The following EYS variants were observed in gnomAD, a reference collection of about 807,000 sequenced individuals.
EYS encodes protein eyes shut homolog.
In EYS, 250 loss-of-function variants were observed where a neutral mutation model predicts 282.1. That is an observed-to-expected ratio of 0.89 (90% CI 0.80 to 0.98). EYS has a LOEUF of 0.98. Ranked by LOEUF, EYS falls within the 50% of genes least tolerant of loss-of-function variation. EYS has a pLI of 0.00. For synonymous variants in EYS, 1,355 were observed against 1,282.9 expected (o/e 1.06, Z -1.20); for missense variants, 4,016 against 3,709.0 (o/e 1.08, Z -2.15).
At chr6:64,116,040 A>T (rs1773371150) in intron 31 of EYS, among the ~76,000 whole-genome samples, 1 of 152,122 alleles carries the variant, frequency 6.6e-6, no homozygotes, top group African/African-American at 2.4e-5. Flanking sequence ...CATGAAAAAA[A>T]TGAGAAGTTC....
intron 13 of EYS, among the ~76,000 whole-genome samples, chr6:65,002,177 C>T (rs947911364): frequency 1.4e-4 from 20 of 147,154 alleles, no homozygotes; most frequent in African/African-American, 3.4e-4. Context: ...CTCAGCCATG[C>T]GATATTTTAA....
intron 5 of EYS, among the ~76,000 whole-genome samples, chr6:65,481,078 A>G (rs1418577986): frequency 8.5e-5 from 13 of 152,194 alleles, no homozygotes; most frequent in African/African-American, 3.1e-4. Flanking sequence ...ACCGTAATTT[A>G]TTATATATTT....
intron 22 of EYS, among the ~76,000 whole-genome samples, chr6:64,644,047 T>G (rs1313569499): frequency 6.6e-6 from 1 of 152,232 alleles, no homozygotes; most frequent in African/African-American, 2.4e-5. Flanking sequence ...TTTACTCAAG[T>G]GGTATCAATT....
In EYS at chr6:63,864,305, C is replaced by T; in HGVS notation, c.7109G>A (p.Cys2370Tyr). The change falls in exon 36 of 43, where the codon TGC becomes TAC. Residue 2370 changes from cysteine (C) to tyrosine (Y), a missense_variant. By Grantham distance (194) the Cys-to-Tyr change is radical. Coordinates refer to ENST00000503581, the MANE Select transcript of EYS (RefSeq NM_001142800.2). ...GTTGTTTTCACAACTTGCAAACTGG[C>T]ACAGCTTGCCTGAATACAGCCTTGG... ...ECPRLYSGKL[C>Y]QFASCENNPC... The T allele has an allele frequency of 6.4e-7, 1 of 1,551,564 alleles. No individual in the cohort carries two copies. The highest frequency in any genetic ancestry group is 8.7e-7 in the Non-Finnish European group (1 of 1,146,874).
intron 37 of EYS, chr6:63,797,199 A>G (rs757030773): frequency 6.6e-6 from 1 of 152,206 alleles, no homozygotes; most frequent in Non-Finnish European, 1.5e-5. Flanking sequence ...TCAACTGGCT[A>G]TGAGAGGGTA....
intron 26 of EYS, among the ~76,000 whole-genome samples, chr6:64,499,846 T>G (rs1476805407): frequency 6.6e-6 from 1 of 152,146 alleles, no homozygotes; most frequent in Non-Finnish European, 1.5e-5. Context: ...CTATTTCTTA[T>G]AGTTTGATCA....
rs199984162 is a variant in EYS at position 64,676,316 on chromosome 6, C to CTATATATA, written c.3444-50079_3444-50072dup. Among the ~76,000 whole-genome samples, 287 of 119,028 alleles carry CTATATATA rather than the reference C, an allele frequency of 2.4e-3. 3 individuals carry two copies. Among genetic ancestry groups the CTATATATA allele is most frequent in the East Asian group, 0.018 (70 of 3,820 alleles). 78.1% of individuals were successfully genotyped at this position (119,028 alleles called of 152,430 possible). On this transcript the variant is annotated intron_variant, in intron 22 of 42. Coordinates refer to ENST00000503581, the MANE Select transcript of EYS (RefSeq NM_001142800.2). ...ATATCTATATCTATATCCAATATAT[C>CTATATATA]TATATATATATATCTATATATCTAT...
chr6:63,946,967 A>G (rs1176137320), intron 35 of EYS, among the ~76,000 whole-genome samples: 1 of 151,972 alleles, frequency 6.6e-6, no homozygotes, highest in African/African-American at 2.4e-5. Context: ...ACACCTATGT[A>G]CCCATAAAAA....
chr6:65,573,413 A>C (rs1764548678), intron 2 of EYS, among the ~76,000 whole-genome samples: 1 of 152,164 alleles, frequency 6.6e-6, no homozygotes, highest in African/African-American at 2.4e-5. Context: ...TTTGCCACTG[A>C]AGGAATCAAT....
chr6:65,035,097 A>G (rs993694423), intron 13 of EYS, among the ~76,000 whole-genome samples: 1 of 152,106 alleles, frequency 6.6e-6, no homozygotes, highest in Non-Finnish European at 1.5e-5. Context: ...CATAAACAAC[A>G]CTATAAACAA....
chr6:64,589,622 A>G (rs1438707314), intron 26 of EYS, among the ~76,000 whole-genome samples: 1 of 152,102 alleles, frequency 6.6e-6, no homozygotes, highest in Non-Finnish European at 1.5e-5. Flanking sequence ...TCATTAATAT[A>G]TCAAGGCTCT....
intron 12 of EYS, among the ~76,000 whole-genome samples, chr6:65,193,682 C>G (rs748441199): frequency 3.3e-5 from 5 of 151,238 alleles, no homozygotes; most frequent in Non-Finnish European, 7.4e-5. Flanking sequence ...TCGTAAGGAA[C>G]AAAAATCTCT....
intron 15 of EYS, among the ~76,000 whole-genome samples, chr6:64,940,301 T>G (rs536333127): frequency 1.3e-5 from 2 of 152,028 alleles, no homozygotes; most frequent in African/African-American, 2.4e-5. Flanking sequence ...GTGGTGTTTG[T>G]CTGGTGACTG....
intron 28 of EYS, among the ~76,000 whole-genome samples, chr6:64,399,482 A>G (rs1198913180): frequency 1.3e-5 from 2 of 151,780 alleles, no homozygotes; most frequent in African/African-American, 4.8e-5. Context: ...CACCACCACA[A>G]TTATGTAGTA....
chr6:65,469,800 G>A (rs1419751708), intron 5 of EYS, among the ~76,000 whole-genome samples: 2 of 151,774 alleles, frequency 1.3e-5, no homozygotes, highest in Non-Finnish European at 2.9e-5. Flanking sequence ...GCTATACATA[G>A]GCATCTATTC....
At chr6:64,460,904 C>CTT (rs1438329275) in intron 26 of EYS, among the ~76,000 whole-genome samples, 5 of 152,068 alleles carry the variant, frequency 3.3e-5, no homozygotes, top group Admixed American at 3.3e-4. Flanking sequence ...CAGCAGCTGG[C>CTT]TTCAGAGGAA....
intron 35 of EYS, among the ~76,000 whole-genome samples, chr6:63,890,109 T>G (rs1773370343): frequency 6.6e-6 from 1 of 152,172 alleles, no homozygotes; most frequent in Non-Finnish European, 1.5e-5. Flanking sequence ...CCCAGATTCA[T>G]AAAGCAAGTT....
At chr6:65,224,248 A>T (rs1480724529) in intron 12 of EYS, among the ~76,000 whole-genome samples, 1 of 152,234 alleles carries the variant, frequency 6.6e-6, no homozygotes, top group African/African-American at 2.4e-5. Flanking sequence ...AAGTATAGAT[A>T]AAAGGAACAA....
Position 63,892,732 on chromosome 6 carries a change from G to A in EYS, c.7056-28374C>T, listed in dbSNP as rs547325816. Among the ~76,000 whole-genome samples, 7 of 152,100 alleles carry A rather than the reference G, an allele frequency of 4.6e-5. No individual in the cohort carries two copies. The South Asian group carries it at 1.0e-3, about 23-fold the overall frequency. On this transcript the variant is annotated intron_variant, in intron 35 of 42. Transcript: ENST00000503581. ...AACAAAAGCCAAAATGGACAAATGGGGTCTAATTAAACTAAAGAGCTTCTG... is the reference window on the plus strand; with the variant it reads ...AACAAAAGCCAAAATGGACAAATGGAGTCTAATTAAACTAAAGAGCTTCTG...
Sources: allele counts gnomAD v4.1 joint callset (sites outside exome capture counted in the v4.1 genomes callset), GRCh38; gene constraint gnomAD v4.1.1; transcripts MANE v1.5; gene names NCBI Gene and HGNC (gene_info 2026-07-23, HGNC 2026-07-21).